Variants in DENND1A observed in about 807,000 individuals in gnomAD.
The protein encoded by DENND1A is DENN domain-containing protein 1A.
A neutral mutation model predicts 113.7 loss-of-function variants in DENND1A; 51 were observed. The observed-to-expected ratio is 0.45, with a 90% CI of 0.36 to 0.57. The LOEUF is 0.57. Ranked by LOEUF, DENND1A falls within the 20% of genes least tolerant of loss-of-function variation. The pLI is 0.00. For synonymous variants in DENND1A, 565 were observed against 570.8 expected, an observed-to-expected ratio of 0.99 and a Z score of 0.14; for missense variants, 1,258 against 1,395.9, an observed-to-expected ratio of 0.90 and a Z score of 1.57.
chr9:123,732,749 C>T (rs899545201), intron 5 of DENND1A, among the ~76,000 whole-genome samples: 1 of 152,152 alleles, frequency 6.6e-6, no homozygotes, highest in Non-Finnish European at 1.5e-5. Flanking sequence ...TCTTGTAATA[C>T]ACTTATCTGA....
At chr9:123,421,560 G>A (rs1028485208) in intron 19 of DENND1A, among the ~76,000 whole-genome samples, 13 of 152,066 alleles carry the variant, frequency 8.5e-5, no homozygotes, top group Admixed American at 2.0e-4. Context: ...CTTTGCAGCC[G>A]CCTGCATTTC....
At chr9:123,846,950 A>C (rs1842706365) in intron 2 of DENND1A, among the ~76,000 whole-genome samples, 1 of 152,242 alleles carries the variant, frequency 6.6e-6, no homozygotes, top group African/African-American at 2.4e-5. Context: ...TGGTTTGTGA[A>C]TATCTCAAGA....
chr9:123,852,774 A>C (rs559008883), intron 2 of DENND1A, among the ~76,000 whole-genome samples: 1 of 152,348 alleles, frequency 6.6e-6, no homozygotes, highest in Non-Finnish European at 1.5e-5. Flanking sequence ...CATCCTGAAA[A>C]CACCACCCTA....
intron 13 of DENND1A, among the ~76,000 whole-genome samples, chr9:123,465,837 C>T (rs1243056789): frequency 6.6e-6 from 1 of 152,106 alleles, no homozygotes; most frequent in Non-Finnish European, 1.5e-5. Context: ...TTGGCATGAA[C>T]TTTGTCATTT....
chr9:123,593,480 G>T (rs1229268390), intron 11 of DENND1A, among the ~76,000 whole-genome samples: 2 of 152,110 alleles, frequency 1.3e-5, no homozygotes, highest in Non-Finnish European at 2.9e-5. Flanking sequence ...TTCCTGCAAA[G>T]ACACTTTGCT....
At chr9:123,686,967 G>C (rs1226184222) in intron 5 of DENND1A, among the ~76,000 whole-genome samples, 7 of 152,248 alleles carry the variant, frequency 4.6e-5, no homozygotes, top group African/African-American at 1.7e-4. Context: ...CTCTATAAAA[G>C]TGTCTGGCTG....
intron 3 of DENND1A, among the ~76,000 whole-genome samples, chr9:123,777,595 G>A (rs1284487739): frequency 6.6e-6 from 1 of 152,160 alleles, no homozygotes; most frequent in African/African-American, 2.4e-5. Flanking sequence ...CTACCAATAT[G>A]GAACTGAAAT....
chr9:123,476,731 T>C (rs942684156), intron 13 of DENND1A, among the ~76,000 whole-genome samples: 5 of 152,262 alleles, frequency 3.3e-5, no homozygotes, highest in African/African-American at 1.2e-4. Flanking sequence ...CAGGTACCCT[T>C]CTAGGTGTTT....
At chr9:123,584,052 C>A (rs1418179065) in intron 11 of DENND1A, among the ~76,000 whole-genome samples, 1 of 152,150 alleles carries the variant, frequency 6.6e-6, no homozygotes, top group Non-Finnish European at 1.5e-5. Context: ...TTTTTAATCA[C>A]ACTATTTATC....
intron 13 of DENND1A, among the ~76,000 whole-genome samples, chr9:123,513,916 G>A (rs2053654372): frequency 6.6e-6 from 1 of 152,206 alleles, no homozygotes; most frequent in Non-Finnish European, 1.5e-5. Context: ...ACTGGAGCCT[G>A]CCCAACATGG....
chr9:123,788,155 C>A (rs940978159), intron 3 of DENND1A, among the ~76,000 whole-genome samples: 2 of 152,086 alleles, frequency 1.3e-5, no homozygotes, highest in Non-Finnish European at 2.9e-5. Context: ...ATTGTGAGGA[C>A]AAATTATTAA....
chr9:123,889,055 G>A (rs1849533536), intron 1 of DENND1A, among the ~76,000 whole-genome samples: 1 of 146,558 alleles, frequency 6.8e-6, no homozygotes, highest in South Asian at 2.2e-4. Flanking sequence ...TAAGATTCTA[G>A]TTCCTGGAAA....
At chr9:123,554,571 C>T (rs573431262) in intron 13 of DENND1A, among the ~76,000 whole-genome samples, 3 of 152,322 alleles carry the variant, frequency 2.0e-5, no homozygotes, top group Admixed American at 6.5e-5. Context: ...GTGATGACCA[C>T]GACTTGAAGC....
At chr9:123,605,026 G>T (rs187915275) in intron 11 of DENND1A, among the ~76,000 whole-genome samples, 1 of 152,246 alleles carries the variant, frequency 6.6e-6, no homozygotes, top group East Asian at 1.9e-4. Flanking sequence ...CAGTTTACAG[G>T]TGAGAAAATA....
At position 123,454,882 on chromosome 9, in the gene DENND1A, C is replaced by T. The variant is rs2048001130; in HGVS notation, c.1187-103G>A. On this transcript the variant is annotated intron_variant, in intron 15 of 23. Coordinates refer to ENST00000394215, the MANE Select transcript of DENND1A (RefSeq NM_001352964.2). ...TTTTTTTTTGAGATGGAGTCTCACG[C>T]TGTCTCCCAGACTGGAGTGCAGTGG... 5 of 1,052,512 alleles carry T rather than the reference C, an allele frequency of 4.8e-6. No individual in the cohort carries two copies. In the East Asian group the frequency reaches 7.9e-5, roughly 17 times the overall value. 65.2% of individuals were successfully genotyped at this position (1,052,512 alleles called of 1,614,324 possible). A position where few individuals can be genotyped will look rare whatever the true frequency, so the allele number is the denominator to read the frequency against.
In DENND1A at chr9:123,438,797, G is replaced by T. The variant is rs947265119; in HGVS notation, c.1488+1563C>A. Among the ~76,000 whole-genome samples the T allele has an allele frequency of 7.9e-5, 12 of 152,066 alleles. No individual in the cohort carries two copies. The South Asian group carries it at 8.3e-4, about 11-fold the overall frequency. ...GTGCACACACACATACTCTTATTCT[G>T]CATTTAGCTGGGAATGACATTAAAG... On this transcript the variant is annotated intron_variant, in intron 19 of 23. Coordinates refer to ENST00000394215, the MANE Select transcript of DENND1A (RefSeq NM_001352964.2).
chr9:123,785,442 T>C (rs1289583418), intron 3 of DENND1A, among the ~76,000 whole-genome samples: 1 of 152,180 alleles, frequency 6.6e-6, no homozygotes, highest in Non-Finnish European at 1.5e-5. Flanking sequence ...GTGATATATT[T>C]TACTAGTAAC....
intron 19 of DENND1A, among the ~76,000 whole-genome samples, chr9:123,436,751 C>CTT (rs771312212): frequency 1.4e-5 from 2 of 145,832 alleles, no homozygotes; most frequent in Non-Finnish European, 1.5e-5. Context: ...GACAAAATAT[C>CTT]TTTTTTTTTT....
chr9:123,381,259 G>A lies in DENND1A; in HGVS notation c.*173C>T, dbSNP rs2042251997. On this transcript the variant is annotated 3_prime_UTR_variant, in exon 24 of 24. Coordinates refer to ENST00000394215, the MANE Select transcript of DENND1A (RefSeq NM_001352964.2). This position sits in a 1 kb window ranked among gnomAD's most constrained non-coding sequence, Gnocchi z 4.7. ...AGGCTGGAACTGGTGCCATTCCCCA[G>A]GGCCAGACATCAGAGATGGGCAGTG... 1.5e-6 allele frequency: 1 copy of A among 661,532 alleles called. No individual in the cohort carries two copies. The highest frequency in any genetic ancestry group is 1.9e-5 in the South Asian group (1 of 51,984). The allele number at this position is 661,532 out of a possible 1,614,324, so 41.0% of individuals were successfully genotyped here.
Sources: gnomAD v4.1 joint callset for allele counts (sites outside exome capture counted in the v4.1 genomes callset) on GRCh38, gnomAD v4.1.1 for gene constraint, Gnocchi (gnomAD v3.1) non-coding constraint, MANE v1.5 for transcripts, NCBI Gene and HGNC (gene_info 2026-07-23, HGNC 2026-07-21) for gene names.